PLCB4: variants seen among roughly 807,000 people sequenced by gnomAD.
PLCB4 encodes 1-phosphatidylinositol 4,5-bisphosphate phosphodiesterase beta-4.
PLCB4 carries 77 observed loss-of-function variants against 178.8 expected under a neutral mutation model. The observed-to-expected ratio is 0.43, with a 90% CI of 0.36 to 0.52. PLCB4 has a LOEUF of 0.52. Among genes scored for constraint, PLCB4 ranks in the 20% least tolerant of loss-of-function variants. The probability of loss-of-function intolerance (pLI) is 0.00; values close to 1 mark genes in which losing one functional copy is unlikely to be tolerated. For synonymous variants in PLCB4, 496 were observed against 490.8 expected (o/e 1.01, Z -0.14); for missense variants, 1,024 against 1,453.4 (o/e 0.70, Z 4.80).
At chr20:9,356,604 A>C (rs1235834654) in intron 7 of PLCB4, among the ~76,000 whole-genome samples, 1 of 152,214 alleles carries the variant, frequency 6.6e-6, no homozygotes, top group Non-Finnish European at 1.5e-5. Flanking sequence ...GAAAAGCTTC[A>C]TAGTTTGCTC....
intron 4 of PLCB4, among the ~76,000 whole-genome samples, chr20:9,334,637 G>A (rs539509202): frequency 6.7e-4 from 102 of 152,206 alleles, no homozygotes; most frequent in African/African-American, 2.4e-3. Context: ...TGGAAGTTGC[G>A]AACCACCTGT....
chr20:9,245,402 A>G (rs1038404831), intron 3 of PLCB4, among the ~76,000 whole-genome samples: 2 of 152,180 alleles, frequency 1.3e-5, no homozygotes, highest in Non-Finnish European at 2.9e-5. Flanking sequence ...GTTACCTTCT[A>G]TGGCAAAAGA....
chr20:9,374,595 C>A (rs188705643), intron 12 of PLCB4, among the ~76,000 whole-genome samples: 2 of 152,102 alleles, frequency 1.3e-5, no homozygotes, highest in African/African-American at 4.8e-5. Flanking sequence ...TTGCCACTTC[C>A]AAGACAAGGC....
At chr20:9,142,560 G>C (rs1240940085) in intron 2 of PLCB4, among the ~76,000 whole-genome samples, 1 of 152,112 alleles carries the variant, frequency 6.6e-6, no homozygotes, top group Non-Finnish European at 1.5e-5. Flanking sequence ...AGTGAAAAAA[G>C]AATGTCCCAT....
At chr20:9,246,632 A>G (rs187444816) in intron 3 of PLCB4, among the ~76,000 whole-genome samples, 3 of 151,950 alleles carry the variant, frequency 2.0e-5, no homozygotes, top group East Asian at 1.9e-4. Context: ...GTATCCTAAC[A>G]TCGTCTGCCT....
At chr20:9,424,086 C>T (rs2040830510) in intron 28 of PLCB4, 134 bp downstream of exon 28, 2 of 633,100 alleles carry the variant, frequency 3.2e-6, no homozygotes, top group Non-Finnish European at 5.5e-6. Flanking sequence ...ACCCTGATTA[C>T]CTTGAATACA....
At chr20:9,220,025 C>A (rs1365395716) in intron 3 of PLCB4, among the ~76,000 whole-genome samples, 1 of 151,038 alleles carries the variant, frequency 6.6e-6, no homozygotes, top group Admixed American at 6.6e-5. Context: ...TTTTTTTAAA[C>A]AAAACAAAAC....
chr20:9,088,972 A>G (rs2090560447), intron 1 of PLCB4, among the ~76,000 whole-genome samples: 1 of 152,060 alleles, frequency 6.6e-6, no homozygotes. Context: ...ATGATGTCAT[A>G]TAATATATAA....
At chr20:9,286,990 T>C (rs1363486662) in intron 3 of PLCB4, among the ~76,000 whole-genome samples, 1 of 152,062 alleles carries the variant, frequency 6.6e-6, no homozygotes, top group Non-Finnish European at 1.5e-5. Context: ...TGTTTTGAGA[T>C]AGTGGGTGCT....
chr20:9,130,076 G>T (rs892656628), intron 2 of PLCB4, among the ~76,000 whole-genome samples: 3 of 152,080 alleles, frequency 2.0e-5, no homozygotes, highest in Non-Finnish European at 4.4e-5. Context: ...AACAGATGAA[G>T]TTTCTTGTAC....
At chr20:9,319,098 G>T (rs2094931707) in intron 4 of PLCB4, among the ~76,000 whole-genome samples, 1 of 152,144 alleles carries the variant, frequency 6.6e-6, no homozygotes, top group Admixed American at 6.6e-5. Flanking sequence ...CTCTCTTAAT[G>T]CATGTGGTGT....
intron 3 of PLCB4, among the ~76,000 whole-genome samples, chr20:9,251,270 C>G (rs1417464159): frequency 6.6e-6 from 1 of 152,154 alleles, no homozygotes; most frequent in Non-Finnish European, 1.5e-5. Flanking sequence ...AAAGTGTGGT[C>G]CTCATATCGG....
intron 4 of PLCB4, among the ~76,000 whole-genome samples, chr20:9,311,337 A>G (rs1000237708): frequency 4.6e-5 from 7 of 152,184 alleles, no homozygotes; most frequent in Non-Finnish European, 8.8e-5. Context: ...AAATTCCAGA[A>G]ATACAAGGAT....
At chr20:9,235,116 A>G (rs2093979276) in intron 3 of PLCB4, among the ~76,000 whole-genome samples, 1 of 152,162 alleles carries the variant, frequency 6.6e-6, no homozygotes, top group Admixed American at 6.5e-5. Context: ...AGGGACACCT[A>G]AGGACTGTGA....
At chr20:9,427,051 A>G (rs186579014) in intron 28 of PLCB4, among the ~76,000 whole-genome samples, 97 of 152,138 alleles carry the variant, frequency 6.4e-4, no homozygotes, top group African/African-American at 2.3e-3. Flanking sequence ...ATGGCAAAAC[A>G]CTGTCTCTAC....
chr20:9,368,262 C>T (rs1301409276), intron 9 of PLCB4, among the ~76,000 whole-genome samples: 2 of 152,330 alleles, frequency 1.3e-5, no homozygotes, highest in Admixed American at 1.3e-4. Context: ...TGAAGAAAGT[C>T]TTACCTTTTG....
chr20:9,442,290 C>T (rs949477743), intron 30 of PLCB4, among the ~76,000 whole-genome samples: 3 of 152,276 alleles, frequency 2.0e-5, no homozygotes, highest in South Asian at 2.1e-4. Context: ...GACAGACCCA[C>T]GCATGGAACA....
intron 3 of PLCB4, among the ~76,000 whole-genome samples, chr20:9,282,905 T>G (rs2147705880): frequency 6.6e-6 from 1 of 152,102 alleles, no homozygotes; most frequent in East Asian, 1.9e-4. Flanking sequence ...CATGATAATC[T>G]CAGGGTTTCA....
At chr20:9,262,755 A>G (rs1281111229) in intron 3 of PLCB4, among the ~76,000 whole-genome samples, 1 of 152,082 alleles carries the variant, frequency 6.6e-6, no homozygotes, top group South Asian at 2.1e-4. Flanking sequence ...GTTTTATACA[A>G]CTCTGGACTA....
Sources: allele counts gnomAD v4.1 joint callset (sites outside exome capture counted in the v4.1 genomes callset), GRCh38; gene constraint gnomAD v4.1.1; transcripts MANE v1.5; gene names NCBI Gene and HGNC (gene_info 2026-07-23, HGNC 2026-07-21).